Variants in GPC5 observed in about 807,000 individuals in gnomAD.
GPC5 encodes glypican-5.
Under a neutral mutation model 53.9 loss-of-function variants are expected in GPC5, and 47 were observed. That is an observed-to-expected ratio of 0.87 (90% CI 0.69 to 1.11). The LOEUF is 1.11. GPC5 is among the 50% of genes most tolerant of loss of function. The pLI is 0.00. For missense variants in GPC5, 748 were observed against 713.1 expected, an observed-to-expected ratio of 1.05 and a Z score of -0.56; for synonymous variants, 286 against 263.3, an observed-to-expected ratio of 1.09 and a Z score of -0.84.
At chr13:91,758,549 C>T (rs777649164) in intron 5 of GPC5, among the ~76,000 whole-genome samples, 1 of 151,948 alleles carries the variant, frequency 6.6e-6, no homozygotes, top group Non-Finnish European at 1.5e-5. Context: ...TTTGGGGAAA[C>T]CTTTTAGAGT....
At chr13:92,337,207 A>G (rs2043330676) in intron 7 of GPC5, among the ~76,000 whole-genome samples, 1 of 152,134 alleles carries the variant, frequency 6.6e-6, no homozygotes, top group Non-Finnish European at 1.5e-5. Context: ...CCACCCAAAA[A>G]AAAAAAAGAA....
At chr13:92,042,949 A>C (rs1465174226) in intron 6 of GPC5, among the ~76,000 whole-genome samples, 1 of 152,226 alleles carries the variant, frequency 6.6e-6, no homozygotes, top group African/African-American at 2.4e-5. Context: ...GAAATTCTAG[A>C]GTGGAAAATA....
chr13:91,844,930 A>G (rs1241809611), intron 5 of GPC5, among the ~76,000 whole-genome samples: 1 of 152,082 alleles, frequency 6.6e-6, no homozygotes, highest in Non-Finnish European at 1.5e-5. Context: ...TTGTGTTAGA[A>G]AAATATCAAG....
chr13:92,243,275 G>A (rs2042626910), intron 7 of GPC5, among the ~76,000 whole-genome samples: 3 of 152,020 alleles, frequency 2.0e-5, no homozygotes, highest in Admixed American at 2.0e-4. Flanking sequence ...ATCACTTTAT[G>A]GCTTAATATT....
At chr13:92,499,629 A>G (rs564776307) in intron 7 of GPC5, among the ~76,000 whole-genome samples, 1 of 152,320 alleles carries the variant, frequency 6.6e-6, no homozygotes, top group African/African-American at 2.4e-5. Context: ...GAGTCAGATC[A>G]TAACTAGCTA....
chr13:92,372,594 A>G (rs913453201), intron 7 of GPC5, among the ~76,000 whole-genome samples: 5 of 152,110 alleles, frequency 3.3e-5, no homozygotes, highest in Non-Finnish European at 5.9e-5. Flanking sequence ...ACTTCCCTTT[A>G]CTGAAAATAT....
intron 1 of GPC5, among the ~76,000 whole-genome samples, chr13:91,425,768 G>C (rs3848053): frequency 6.6e-6 from 1 of 151,970 alleles, no homozygotes; most frequent in Non-Finnish European, 1.5e-5. Context: ...ATGTGGAAGC[G>C]ACTTTGGAAC....
intron 2 of GPC5, among the ~76,000 whole-genome samples, chr13:91,600,572 T>C (rs1266152154): frequency 6.6e-6 from 1 of 152,084 alleles, no homozygotes; most frequent in African/African-American, 2.4e-5. Flanking sequence ...AAATAATGTT[T>C]ATGAGAATCA....
intron 6 of GPC5, among the ~76,000 whole-genome samples, chr13:92,131,350 T>C (rs1389336911): frequency 6.6e-6 from 1 of 152,022 alleles, no homozygotes; most frequent in Non-Finnish European, 1.5e-5. Flanking sequence ...TTCAAGATCA[T>C]TGAGTACTTC....
At position 92,084,067 on chromosome 13, in the gene GPC5, A is replaced by T. The variant is rs1244060911; in HGVS notation, c.1402-60763A>T. On this transcript the variant is annotated intron_variant, in intron 6 of 7. Transcript: ENST00000377067. ...TGTTCTCACTTATAAGTGGGAGCTG[A>T]ATAATGAGAACACATGGACACAGGG... Among the ~76,000 whole-genome samples the T allele has an allele frequency of 2.6e-5, 4 of 152,216 alleles. No homozygotes were observed. The East Asian group carries it at 5.8e-4, about 22-fold the overall frequency.
At chr13:91,692,328 A>G (rs1292602565) in intron 2 of GPC5, among the ~76,000 whole-genome samples, 2 of 152,202 alleles carry the variant, frequency 1.3e-5, no homozygotes, top group African/African-American at 4.8e-5. Flanking sequence ...TTTGAAAATG[A>G]ATGCTTTACT....
At chr13:91,971,187 A>G (rs370272379) in intron 6 of GPC5, among the ~76,000 whole-genome samples, 1 of 152,018 alleles carries the variant, frequency 6.6e-6, no homozygotes, top group East Asian at 1.9e-4. Context: ...TTCTTGGTTT[A>G]GTCTTGGGAG....
intron 5 of GPC5, among the ~76,000 whole-genome samples, chr13:91,827,236 G>A (rs1331852513): frequency 1.3e-5 from 2 of 151,840 alleles, no homozygotes; most frequent in East Asian, 3.9e-4. Context: ...ATTTAAAAAT[G>A]TATAAAACCT....
chr13:92,325,102 T>TCACACA (rs879624087), intron 7 of GPC5, among the ~76,000 whole-genome samples: 24 of 102,578 alleles, frequency 2.3e-4, no homozygotes, highest in Middle Eastern at 4.7e-3. Flanking sequence ...TAATAACTTC[T>TCACACA]GACACACACA....
chr13:92,719,618 A>T (rs770373510), intron 7 of GPC5, among the ~76,000 whole-genome samples: 10 of 152,156 alleles, frequency 6.6e-5, no homozygotes, highest in Non-Finnish European at 1.0e-4. Context: ...ACAATTCCAA[A>T]ATCCTAACAA....
chr13:91,863,703 G>A (rs952329042), intron 5 of GPC5, among the ~76,000 whole-genome samples: 4 of 152,152 alleles, frequency 2.6e-5, no homozygotes, highest in Non-Finnish European at 4.4e-5. Flanking sequence ...TATAGTCTGA[G>A]GCTAACCATT....
intron 2 of GPC5, among the ~76,000 whole-genome samples, chr13:91,689,827 T>C (rs1282904107): frequency 6.6e-6 from 1 of 152,066 alleles, no homozygotes; most frequent in Admixed American, 6.6e-5. Context: ...AGAACTCACT[T>C]AGGTGGCTTT....
intron 2 of GPC5, among the ~76,000 whole-genome samples, chr13:91,556,580 C>G (rs2030967265): frequency 6.6e-6 from 1 of 150,666 alleles, no homozygotes; most frequent in African/African-American, 2.4e-5. Context: ...TACACACACA[C>G]AGACACCCAC....
chr13:91,780,914 C>T (rs1253874641), intron 5 of GPC5, among the ~76,000 whole-genome samples: 1 of 152,158 alleles, frequency 6.6e-6, no homozygotes, highest in Non-Finnish European at 1.5e-5. Flanking sequence ...TGTAGCCCCC[C>T]ACTCCCTATA....
Sources: gnomAD v4.1 joint callset for allele counts (sites outside exome capture counted in the v4.1 genomes callset) on GRCh38, gnomAD v4.1.1 for gene constraint, MANE v1.5 for transcripts, NCBI Gene and HGNC (gene_info 2026-07-23, HGNC 2026-07-21) for gene names.